The following BAHD1 variants were observed in gnomAD, a reference collection of about 807,000 sequenced individuals.
The protein encoded by BAHD1 is bromo adjacent homology domain-containing 1 protein.
In BAHD1, 20 loss-of-function variants were observed where a neutral mutation model predicts 63.1. The observed-to-expected ratio is 0.32, with a 90% CI of 0.22 to 0.46. BAHD1 has a LOEUF of 0.46. Ranked by LOEUF, BAHD1 falls within the 20% of genes least tolerant of loss-of-function variation. The pLI, the probability that BAHD1 is intolerant of heterozygous loss-of-function variation, is 1.00. For missense variants in BAHD1, 939 were observed against 1,071.8 expected (o/e 0.88, Z 1.73); for synonymous variants, 408 against 426.8 (o/e 0.96, Z 0.54).
In BAHD1 at chr15:40,467,780, GTGTC is replaced by G. The variant is rs1489058490; in HGVS notation, c.*1657_*1660del. 1 of 152,690 alleles carries G rather than the reference GTGTC, an allele frequency of 6.5e-6. No homozygotes were observed. The highest frequency in any genetic ancestry group is 1.5e-5 in the Non-Finnish European group (1 of 68,074). 9.5% of individuals were successfully genotyped at this position (152,690 alleles called of 1,614,324 possible). The stretch of plus-strand genomic sequence containing the variant: ...TATTGAATAAGCTGTTTGGAGGAAG[GTGTC>G]TGTCTGGGAGGATGGGGCAGTAAAT... On this transcript the variant is annotated 3_prime_UTR_variant, in exon 7 of 7. Transcript: ENST00000416165.
intron 1 of BAHD1, among the ~76,000 whole-genome samples, chr15:40,451,902 G>A (rs559473959): frequency 6.7e-6 from 1 of 150,170 alleles, no homozygotes; most frequent in East Asian, 2.0e-4. Context: ...AGCCTCTAAA[G>A]ACTAGTTTTT....
chr15:40,448,833 ACT>A (rs909253813), intron 1 of BAHD1, among the ~76,000 whole-genome samples: 8 of 125,940 alleles, frequency 6.4e-5, no homozygotes, highest in East Asian at 2.5e-4. Flanking sequence ...TCTCCTTTTA[ACT>A]CTTTTTTTTT....
In BAHD1 at chr15:40,462,080, C is replaced by G; in HGVS notation, c.1601C>G (p.Ala534Gly). ...PTSEPQTVAR[A>G]CPQSAKPPSG... ...TCGGAGCCCCAGACAGTAGCCCGTG[C>G]GTGCCCTCAGAGCGCCAAACCTCCC... The change falls in exon 3 of 7, where the codon GCG (alanine) becomes GGG (glycine). Residue 534 changes from alanine (A) to glycine (G), a missense_variant. This residue lies in a region of BAHD1 where 797 missense variants were observed against 813.3 expected (regional missense o/e 0.98). Coordinates refer to ENST00000416165, the MANE Select transcript of BAHD1 (RefSeq NM_014952.5). The G allele has an allele frequency of 6.2e-7, 1 of 1,613,486 alleles. No homozygotes were observed. The highest frequency in any genetic ancestry group is 8.5e-7 in the Non-Finnish European group (1 of 1,180,016).
At chr15:40,462,796 G>A (rs1054322898) in intron 3 of BAHD1, among the ~76,000 whole-genome samples, 1 of 151,952 alleles carries the variant, frequency 6.6e-6, no homozygotes, top group African/African-American at 2.4e-5. Context: ...AGTTCAAGAC[G>A]AGCCTGAGCA....
chr15:40,441,057 C>T lies in BAHD1; in HGVS notation c.-226C>T, dbSNP rs1041361138. On this transcript the variant is annotated 5_prime_UTR_variant, in exon 1 of 7. Transcript: ENST00000416165. ...CGCCCGTCCGGCCCCCGCCGTCCGCCCGCCCCGGCCAGGCGCGCCCGCCCC... is the reference window on the plus strand; with the variant it reads ...CGCCCGTCCGGCCCCCGCCGTCCGCTCGCCCCGGCCAGGCGCGCCCGCCCC... Among the ~76,000 whole-genome samples the T allele has an allele frequency of 6.9e-6, 1 of 145,788 alleles. No homozygotes were observed. Among genetic ancestry groups the T allele is most frequent in the African/African-American group, 2.5e-5 (1 of 40,630 alleles).
rs1418185432 is a variant in BAHD1, at chr15:40,467,296, G to C, written c.*1166G>C. 2.0e-5 allele frequency: 3 copies of C among 152,916 alleles called. No individual in the cohort carries two copies. Among genetic ancestry groups the C allele is most frequent in the Admixed American group, 2.0e-4 (3 of 15,294 alleles). 9.5% of individuals were successfully genotyped at this position (152,916 alleles called of 1,614,324 possible). On this transcript the variant is annotated 3_prime_UTR_variant, in exon 7 of 7. Transcript: ENST00000416165. ...TCCCCTGTTGTCCTTGTGGAGACTA[G>C]GCCTTGGCCCTGGCCCTGAGACTCT...
chr15:40,442,773 T>TA (rs1893439334), intron 1 of BAHD1, among the ~76,000 whole-genome samples: 1 of 152,122 alleles, frequency 6.6e-6, no homozygotes. Context: ...AATAATGAAA[T>TA]AAAAAGCTTT....
At chr15:40,465,860 CGGGTA>C (rs769713190) in intron 6 of BAHD1, 76 bp from the exon 7 acceptor site, 42 of 1,409,324 alleles carry the variant, frequency 3.0e-5, no homozygotes, top group East Asian at 1.2e-4. Context: ...CTCTCTGGGT[CGGGTA>C]GGGTAGGGTA....
chr15:40,442,546 C>A (rs1191427691), intron 1 of BAHD1, among the ~76,000 whole-genome samples: 1 of 152,164 alleles, frequency 6.6e-6, no homozygotes, highest in East Asian at 1.9e-4. Context: ...GCAGAGTCTG[C>A]CTACAGGCAG....
intron 1 of BAHD1, among the ~76,000 whole-genome samples, chr15:40,441,603 A>G (rs1893403506): frequency 6.9e-6 from 1 of 145,296 alleles, no homozygotes; most frequent in Non-Finnish European, 1.5e-5. Context: ...GCAGGGTGGC[A>G]GCTCGGCCGG....
intron 1 of BAHD1, among the ~76,000 whole-genome samples, chr15:40,447,395 C>T (rs1292591138): frequency 1.3e-5 from 2 of 151,780 alleles, no homozygotes; most frequent in African/African-American, 2.4e-5. Flanking sequence ...GCTGAAACCC[C>T]GTCTCTACTA....
chr15:40,463,198 G>T (rs1189582299), intron 3 of BAHD1, among the ~76,000 whole-genome samples: 2 of 152,058 alleles, frequency 1.3e-5, no homozygotes, highest in Admixed American at 1.3e-4. Flanking sequence ...CCAGCTACTT[G>T]AGAGTCTGAG....
In BAHD1 at chr15:40,466,067, G is replaced by A; in HGVS notation, c.2280G>A (p.Leu760=). The A allele has an allele frequency of 1.9e-6, 3 of 1,614,136 alleles. No individual in the cohort carries two copies. The highest frequency in any genetic ancestry group is 2.5e-6 in the Non-Finnish European group (3 of 1,180,000). ...RTVPEDTDPE[L]VFLCRHVYDF... The stretch of plus-strand genomic sequence containing the variant: ...TGCCAGAGGACACGGACCCTGAGCT[G>A]GTGTTCCTTTGCCGCCATGTCTATG... The change falls in exon 7 of 7, where the codon CTG becomes CTA. Residue 760 remains leucine (L), a synonymous_variant. Coordinates refer to ENST00000416165, the MANE Select transcript of BAHD1 (RefSeq NM_014952.5).
chr15:40,439,896 G>A (rs1313893176), upstream of BAHD1: 1 of 152,280 alleles, frequency 6.6e-6, no homozygotes, highest in Non-Finnish European at 1.5e-5. Context: ...GAGCGTGCTC[G>A]GGCTTGGGAG....
rs3743145 is a variant in BAHD1, at chr15:40,466,138, A to C, written c.*8A>C. ...CTTAAGAACCCCCAGTAGCCTCCTC[A>C]TGCCCATGCTGGGGCTACCCATGGG... On this transcript the variant is annotated 3_prime_UTR_variant, in exon 7 of 7. Transcript: ENST00000416165. 0.21 allele frequency: 336,635 copies of C among 1,609,430 alleles called. 37,670 individuals are homozygous for C. The highest frequency in any genetic ancestry group is 0.23 in the Non-Finnish European group (276,086 of 1,177,260).
intron 5 of BAHD1, chr15:40,464,859 T>A: frequency 2.3e-6 from 1 of 440,474 alleles, no homozygotes. Flanking sequence ...GAGGTGGAGC[T>A]GCATACCTGG....
chr15:40,451,166 A>C (rs896648022), intron 1 of BAHD1, among the ~76,000 whole-genome samples: 5 of 151,014 alleles, frequency 3.3e-5, no homozygotes, highest in Admixed American at 1.3e-4. Context: ...AAAAAAAAAA[A>C]AAAAAACTTT....
Position 40,462,259 on chromosome 15 carries a change from G to A in BAHD1, c.1780G>A (p.Val594Ile), listed in dbSNP as rs757849385. 1 of 1,610,534 alleles carries A rather than the reference G, an allele frequency of 6.2e-7. No individual in the cohort carries two copies. The highest frequency in any genetic ancestry group is 1.7e-5 in the Admixed American group (1 of 59,846). The change falls in exon 3 of 7, where the codon GTT becomes ATT. Residue 594 changes from valine to isoleucine, a missense_variant. Coordinates refer to ENST00000416165, the MANE Select transcript of BAHD1 (RefSeq NM_014952.5). ...CCGCCGCACTAATGGCTGGGTACCT[G>A]TTGGGGCTGCGTGTGAGAAGGCTGT... ...RRRRTNGWVP[V>I]GAACEKAVYV...
At chr15:40,437,764 C>A (rs1893304591), upstream of BAHD1, among the ~76,000 whole-genome samples, 1 of 152,192 alleles carries the variant, frequency 6.6e-6, no homozygotes, top group South Asian at 2.1e-4. Flanking sequence ...GTGGTTGGAT[C>A]TCAGGCCAGG....
Sources: gnomAD v4.1 joint callset for allele counts (sites outside exome capture counted in the v4.1 genomes callset) on GRCh38, gnomAD v4.1.1 for gene constraint, gnomAD v4.1.1 regional missense constraint, MANE v1.5 for transcripts, NCBI Gene and HGNC (gene_info 2026-07-23, HGNC 2026-07-21) for gene names.